Variants in RARB observed in about 807,000 individuals in gnomAD.
RARB encodes HBV-activated protein.
In RARB, 17 loss-of-function variants were observed where a neutral mutation model predicts 51.9. The ratio of observed to expected loss-of-function variants is 0.33; its 90% CI spans 0.22 to 0.49. The LOEUF (loss-of-function observed/expected upper bound fraction) is 0.49, where lower values mean the gene tolerates loss of function less well. Ranked by LOEUF, RARB falls within the 20% of genes least tolerant of loss-of-function variation. The pLI, the probability that RARB is intolerant of heterozygous loss-of-function variation, is 0.99. For missense variants in RARB, 369 were observed against 550.8 expected (o/e 0.67, Z 3.30); for synonymous variants, 215 against 195.4 (o/e 1.10, Z -0.84).
chr3:24,931,573 A>G (rs1455251191), intron 2 of RARB, among the ~76,000 whole-genome samples: 3 of 152,070 alleles, frequency 2.0e-5, no homozygotes, highest in Admixed American at 2.0e-4. Context: ...AGAATTATCT[A>G]ATTTGTATAT....
chr3:25,230,999 T>C (rs1194150109), intron 5 of RARB, among the ~76,000 whole-genome samples: 3 of 152,174 alleles, frequency 2.0e-5, no homozygotes, highest in African/African-American at 7.2e-5. Flanking sequence ...ACAAAAACTA[T>C]GATATCTCTA....
intron 3 of RARB, among the ~76,000 whole-genome samples, chr3:25,566,765 G>A (rs970569202): frequency 6.6e-6 from 1 of 152,236 alleles, no homozygotes; most frequent in African/African-American, 2.4e-5. Flanking sequence ...AGCAGACACA[G>A]GTCCTGCAGA....
intron 2 of RARB, among the ~76,000 whole-genome samples, chr3:25,018,054 T>G (rs1220387099): frequency 6.6e-6 from 1 of 152,182 alleles, no homozygotes; most frequent in Non-Finnish European, 1.5e-5. Context: ...AGAAGTAAAT[T>G]TGTTATTTAT....
At position 25,479,892 on chromosome 3, in the gene RARB, G is replaced by T. The variant is rs556965623; in HGVS notation, c.306+18551G>T. 3.9e-5 allele frequency among the ~76,000 whole-genome samples: 6 copies of T among 152,256 alleles called. No individual in the cohort carries two copies. In the East Asian group the frequency reaches 5.8e-4, roughly 15 times the overall value. On this transcript the variant is annotated intron_variant, in intron 2 of 7. Coordinates refer to ENST00000330688, the MANE Select transcript of RARB (RefSeq NM_000965.5). ...TCTTGCTCCCATGCATACATTACCA[G>T]CAGTGCAATAACGAGGAAGCTGGAA...
At chr3:25,530,687 G>A (rs1356342048) in intron 3 of RARB, among the ~76,000 whole-genome samples, 1 of 152,122 alleles carries the variant, frequency 6.6e-6, no homozygotes, top group Non-Finnish European at 1.5e-5. Flanking sequence ...GATTTTCCAG[G>A]ATAATCTTAT....
intron 2 of RARB, among the ~76,000 whole-genome samples, chr3:24,865,380 A>AT (rs35470797): frequency 2.6e-5 from 4 of 152,044 alleles, no homozygotes; most frequent in South Asian, 2.1e-4. Context: ...GGTCAACTGT[A>AT]TTTTTTTTAT....
chr3:25,592,148 G>A (rs1266900725), intron 5 of RARB, among the ~76,000 whole-genome samples: 1 of 152,198 alleles, frequency 6.6e-6, no homozygotes, highest in Non-Finnish European at 1.5e-5. Flanking sequence ...ACTCCTCCTA[G>A]GTAGAGGTCC....
At chr3:24,908,668 T>G (rs903516592) in intron 2 of RARB, among the ~76,000 whole-genome samples, 1 of 122,014 alleles carries the variant, frequency 8.2e-6, no homozygotes, top group Non-Finnish European at 1.7e-5. Flanking sequence ...CAACTGTTTT[T>G]TTTTTTTTTT....
intron 3 of RARB, among the ~76,000 whole-genome samples, chr3:25,537,788 G>C (rs1345911871): frequency 4.6e-5 from 7 of 152,116 alleles, no homozygotes; most frequent in African/African-American, 1.7e-4. Flanking sequence ...TCAAAATGAA[G>C]ACTCTTGCTC....
intron 2 of RARB, among the ~76,000 whole-genome samples, chr3:25,047,311 A>C (rs1387421429): frequency 1.3e-5 from 2 of 152,182 alleles, no homozygotes; most frequent in African/African-American, 4.8e-5. Flanking sequence ...AAGAGAAAAA[A>C]ACCCTTCAGA....
chr3:25,280,478 A>T (rs1194232011), intron 5 of RARB, among the ~76,000 whole-genome samples: 2 of 152,156 alleles, frequency 1.3e-5, no homozygotes, highest in Non-Finnish European at 2.9e-5. Flanking sequence ...GCTGAGTGAA[A>T]TGACCTGGAC....
At chr3:25,442,217 C>T (rs1005429948) in intron 1 of RARB, among the ~76,000 whole-genome samples, 11 of 151,994 alleles carry the variant, frequency 7.2e-5, no homozygotes, top group Admixed American at 3.3e-4. Flanking sequence ...CTCACTGCAA[C>T]CTCCGCCTCC....
chr3:25,315,594 G>A (rs2125436224), intron 5 of RARB, among the ~76,000 whole-genome samples: 2 of 152,182 alleles, frequency 1.3e-5, no homozygotes, highest in East Asian at 3.9e-4. Context: ...CTCCAGCCTA[G>A]GATGCATAGT....
At chr3:24,998,317 C>T (rs75627864) in intron 2 of RARB, among the ~76,000 whole-genome samples, 2,828 of 150,384 alleles carry the variant, frequency 0.019, 74 homozygotes, top group East Asian at 0.12. Context: ...ACCCTGGGGC[C>T]CTAGGAATTT....
intron 5 of RARB, among the ~76,000 whole-genome samples, chr3:25,274,792 G>A (rs1483848): frequency 0.44 from 67,089 of 151,850 alleles, 15,429 homozygotes; most frequent in Admixed American, 0.58. Flanking sequence ...AAAAATACAG[G>A]AAGGGGAGAG....
At chr3:25,562,906 T>G (rs1467984773) in intron 3 of RARB, among the ~76,000 whole-genome samples, 1 of 152,240 alleles carries the variant, frequency 6.6e-6, no homozygotes, top group Non-Finnish European at 1.5e-5. Context: ...TTTGAAAGTT[T>G]CATTAGCATA....
At chr3:25,439,494 C>T (rs1256657971) in intron 1 of RARB, among the ~76,000 whole-genome samples, 1 of 152,160 alleles carries the variant, frequency 6.6e-6, no homozygotes, top group Non-Finnish European at 1.5e-5. Flanking sequence ...CAGCCTCAAC[C>T]TGCTGGGCTG....
At chr3:24,859,932 C>A (rs571208267) in intron 2 of RARB, among the ~76,000 whole-genome samples, 2 of 152,068 alleles carry the variant, frequency 1.3e-5, no homozygotes, top group South Asian at 2.1e-4. Flanking sequence ...ATTTTCCTTG[C>A]AATTTCTTTT....
chr3:25,446,183 G>A (rs555872226), intron 1 of RARB, among the ~76,000 whole-genome samples: 2 of 152,306 alleles, frequency 1.3e-5, no homozygotes, highest in African/African-American at 2.4e-5. Context: ...TATTACCCAC[G>A]TCTCTGTGAC....
Sources: gnomAD v4.1 joint callset for allele counts (sites outside exome capture counted in the v4.1 genomes callset) on GRCh38, gnomAD v4.1.1 for gene constraint, MANE v1.5 for transcripts, NCBI Gene and HGNC (gene_info 2026-07-23, HGNC 2026-07-21) for gene names.